LRP1B: variants seen among roughly 807,000 people sequenced by gnomAD.
The protein encoded by LRP1B is low-density lipoprotein receptor-related protein 1B.
A neutral mutation model predicts 556.6 loss-of-function variants in LRP1B; 217 were observed. The ratio of observed to expected loss-of-function variants is 0.39; its 90% confidence interval spans 0.35 to 0.44. LRP1B has a LOEUF of 0.44. Among genes scored for constraint, LRP1B ranks in the 20% least tolerant of loss-of-function variants. LRP1B has a pLI of 1.00. For missense variants in LRP1B, 5,053 were observed against 5,620.8 expected, an observed-to-expected ratio of 0.90 and a Z score of 3.23; for synonymous variants, 2,047 against 1,865.8, an observed-to-expected ratio of 1.10 and a Z score of -2.50.
At chr2:141,960,527 T>C (rs1481461455) in intron 1 of LRP1B, among the ~76,000 whole-genome samples, 2 of 151,886 alleles carry the variant, frequency 1.3e-5, no homozygotes, top group Non-Finnish European at 2.9e-5. Context: ...GAATGTTTGG[T>C]TATCAAAGCA....
intron 2 of LRP1B, among the ~76,000 whole-genome samples, chr2:141,582,238 A>C (rs554266922): frequency 2.0e-5 from 3 of 152,244 alleles, no homozygotes; most frequent in Admixed American, 2.0e-4. Flanking sequence ...GCCTCAGTGT[A>C]CTGACCAAAC....
intron 5 of LRP1B, among the ~76,000 whole-genome samples, chr2:141,234,058 A>G (rs557019305): frequency 6.6e-6 from 1 of 152,310 alleles, no homozygotes; most frequent in Admixed American, 6.5e-5. Flanking sequence ...TGACTTGCAT[A>G]TAAAGTACAT....
intron 3 of LRP1B, among the ~76,000 whole-genome samples, chr2:141,266,077 C>T (rs1262291006): frequency 6.6e-6 from 1 of 152,118 alleles, no homozygotes; most frequent in Non-Finnish European, 1.5e-5. Context: ...GTAATCCCAG[C>T]ACTTTGGGAG....
chr2:141,376,606 T>A (rs896978768), intron 3 of LRP1B, among the ~76,000 whole-genome samples: 6 of 152,226 alleles, frequency 3.9e-5, no homozygotes, highest in African/African-American at 7.2e-5. Context: ...GATGCAGAAA[T>A]GTTTTAAAAT....
chr2:140,319,092 TG>T (rs1159965838), intron 82 of LRP1B, among the ~76,000 whole-genome samples: 1 of 152,124 alleles, frequency 6.6e-6, no homozygotes, highest in Non-Finnish European at 1.5e-5. Flanking sequence ...TACTAGGTCA[TG>T]TCCTTGCAGG....
At chr2:140,901,178 A>G (rs1251528794) in intron 23 of LRP1B, among the ~76,000 whole-genome samples, 1 of 151,902 alleles carries the variant, frequency 6.6e-6, no homozygotes, top group African/African-American at 2.4e-5. Context: ...GGGAAGAACA[A>G]TGAACAATCG....
chr2:140,370,161 T>C (rs1362147459), intron 71 of LRP1B, among the ~76,000 whole-genome samples: 3 of 151,960 alleles, frequency 2.0e-5, no homozygotes, highest in African/African-American at 4.8e-5. Flanking sequence ...AAATAATATA[T>C]GACAAAAAGG....
chr2:141,886,536 A>G (rs1469016360), intron 1 of LRP1B, among the ~76,000 whole-genome samples: 7 of 152,178 alleles, frequency 4.6e-5, no homozygotes, highest in Non-Finnish European at 8.8e-5. Flanking sequence ...GGCTGAATGC[A>G]TTATAGTAAA....
intron 2 of LRP1B, among the ~76,000 whole-genome samples, chr2:141,571,908 C>T (rs1417744095): frequency 1.3e-5 from 2 of 152,076 alleles, no homozygotes; most frequent in African/African-American, 4.8e-5. Context: ...ATGAACAAAG[C>T]CTCCAAGAAA....
At chr2:140,395,271 A>G (rs931464579) in intron 66 of LRP1B, among the ~76,000 whole-genome samples, 5 of 152,206 alleles carry the variant, frequency 3.3e-5, no homozygotes, top group African/African-American at 1.2e-4. Context: ...TTTTATTTTA[A>G]AAAGGGATTC....
intron 84 of LRP1B, among the ~76,000 whole-genome samples, chr2:140,279,038 C>T (rs955550563): frequency 2.6e-5 from 4 of 151,994 alleles, no homozygotes; most frequent in South Asian, 4.1e-4. Context: ...GCCTATTCTT[C>T]GACGTTTATG....
At chr2:141,823,758 C>T (rs957121759) in intron 1 of LRP1B, among the ~76,000 whole-genome samples, 9 of 152,192 alleles carry the variant, frequency 5.9e-5, no homozygotes, top group African/African-American at 2.2e-4. Context: ...CAGCCTTGAT[C>T]TCCAGGCTCA....
At chr2:141,790,335 A>C (rs1360634722) in intron 2 of LRP1B, among the ~76,000 whole-genome samples, 1 of 150,012 alleles carries the variant, frequency 6.7e-6, no homozygotes, top group Non-Finnish European at 1.5e-5. Context: ...GAAAAAAAAA[A>C]CTCCACAAAT....
At chr2:141,114,398 A>G (rs1700829016) in intron 7 of LRP1B, among the ~76,000 whole-genome samples, 2 of 152,080 alleles carry the variant, frequency 1.3e-5, no homozygotes, top group Non-Finnish European at 1.5e-5. Flanking sequence ...GAATTCAGGG[A>G]TTTTACTGAG....
At chr2:141,601,517 C>T (rs748837442) in intron 2 of LRP1B, among the ~76,000 whole-genome samples, 5 of 152,114 alleles carry the variant, frequency 3.3e-5, no homozygotes, top group Admixed American at 6.6e-5. Flanking sequence ...AGGCCTTCAC[C>T]TTGATGTATT....
intron 32 of LRP1B, among the ~76,000 whole-genome samples, chr2:140,777,892 C>A (rs1689553385): frequency 6.7e-6 from 1 of 148,348 alleles, no homozygotes; most frequent in Non-Finnish European, 1.5e-5. Flanking sequence ...AGAAAAAAGA[C>A]CAAAGAAACC....
chr2:141,403,881 A>G (rs1690534945), intron 3 of LRP1B, among the ~76,000 whole-genome samples: 1 of 152,180 alleles, frequency 6.6e-6, no homozygotes, highest in Non-Finnish European at 1.5e-5. Flanking sequence ...AGGTTATCAC[A>G]GTTACACTGC....
chr2:140,730,926 A>C (rs1216438017), intron 35 of LRP1B, among the ~76,000 whole-genome samples: 1 of 151,982 alleles, frequency 6.6e-6, no homozygotes, highest in Non-Finnish European at 1.5e-5. Flanking sequence ...CTCAGACCAT[A>C]AGCGCTTTTC....
chr2:140,330,200 A>AATAATAATG (rs1680725240), intron 79 of LRP1B, among the ~76,000 whole-genome samples: 1 of 4,534 alleles, frequency 2.2e-4, no homozygotes, highest in Non-Finnish European at 1.1e-3. Flanking sequence ...ACTCTGTCTC[A>AATAATAATG]ATAATAATAA....
Sources: gnomAD v4.1 joint callset for allele counts (sites outside exome capture counted in the v4.1 genomes callset) on GRCh38, gnomAD v4.1.1 for gene constraint, MANE v1.5 for transcripts, NCBI Gene and HGNC (gene_info 2026-07-23, HGNC 2026-07-21) for gene names.